Variants in GCNT2 observed in about 807,000 individuals in gnomAD.
GCNT2 encodes glucosaminyl (N-acetyl) transferase 2 (I blood group), also known as N-acetyllactosaminide beta-1,6-N-acetylglucosaminyl-transferase.
GCNT2 carries 34 observed loss-of-function variants against 34.2 expected under a neutral mutation model. The ratio of observed to expected loss-of-function variants is 1.00; its 90% CI spans 0.76 to 1.32. GCNT2 has a LOEUF of 1.32. Among genes scored for constraint, GCNT2 ranks in the 40% most tolerant of loss-of-function variants. GCNT2 has a pLI of 0.00. For synonymous variants in GCNT2, 212 were observed against 188.0 expected, an observed-to-expected ratio of 1.13 and a Z score of -1.04; for missense variants, 584 against 489.4, an observed-to-expected ratio of 1.19 and a Z score of -1.82.
At chr6:10,552,296 A>T (rs1343793719) in intron 3 of GCNT2, among the ~76,000 whole-genome samples, 1 of 142,746 alleles carries the variant, frequency 7.0e-6, no homozygotes. Flanking sequence ...GATCATTATC[A>T]TGTTAAAAAA....
intron 3 of GCNT2, among the ~76,000 whole-genome samples, chr6:10,617,323 C>A (rs1257503205): frequency 6.6e-6 from 1 of 152,200 alleles, no homozygotes; most frequent in South Asian, 2.1e-4. Context: ...CTGGGCGCCC[C>A]CAGCCCACGC....
chr6:10,553,642 C>T (rs1370388116), intron 3 of GCNT2, among the ~76,000 whole-genome samples: 1 of 152,214 alleles, frequency 6.6e-6, no homozygotes, highest in Admixed American at 6.5e-5. Context: ...GCCTGTAATC[C>T]CAGTACTTTG....
At chr6:10,534,157 T>TTTTTTTTTTTTTTTTTTTTTTTTTG (rs1411848198) in intron 3 of GCNT2, among the ~76,000 whole-genome samples, 3 of 145,342 alleles carry the variant, frequency 2.1e-5, no homozygotes, top group Admixed American at 1.4e-4. Flanking sequence ...TTTTTTTTTT[T>TTTTTTTTTTTTTTTTTTTTTTTTTG]TTAAGATGGA....
intron 3 of GCNT2, among the ~76,000 whole-genome samples, chr6:10,617,595 T>C (rs1327058501): frequency 6.6e-6 from 1 of 152,134 alleles, no homozygotes; most frequent in Non-Finnish European, 1.5e-5. Context: ...TGCGTAACCA[T>C]CTGGGAATGC....
intron 3 of GCNT2, among the ~76,000 whole-genome samples, chr6:10,569,859 CTCTT>C (rs71548849): frequency 0.12 from 18,468 of 149,442 alleles, 1,508 homozygotes; most frequent in Middle Eastern, 0.19. Flanking sequence ...CTCTTTCTTT[CTCTT>C]TCTTTCTTTC....
intron 3 of GCNT2, among the ~76,000 whole-genome samples, chr6:10,604,362 A>G (rs1399410354): frequency 6.6e-6 from 1 of 152,206 alleles, no homozygotes; most frequent in African/African-American, 2.4e-5. Context: ...AAATAAGTAA[A>G]GACTCACAAG....
chr6:10,532,896 T>G (rs1761562439), intron 3 of GCNT2, among the ~76,000 whole-genome samples: 1 of 151,146 alleles, frequency 6.6e-6, no homozygotes, highest in Admixed American at 6.6e-5. Flanking sequence ...GGTTGATGTG[T>G]ATATGTTGTG....
chr6:10,532,667 C>T (rs926140513), intron 3 of GCNT2, among the ~76,000 whole-genome samples: 2 of 152,126 alleles, frequency 1.3e-5, no homozygotes, highest in African/African-American at 4.8e-5. Flanking sequence ...CGAGGTCCTG[C>T]TGTGTTGCCA....
intron 3 of GCNT2, among the ~76,000 whole-genome samples, chr6:10,599,256 C>T (rs1173588755): frequency 2.0e-5 from 3 of 152,152 alleles, no homozygotes; most frequent in Admixed American, 2.0e-4. Context: ...TTCACAGGCG[C>T]GTCAGTCCAC....
intron 3 of GCNT2, among the ~76,000 whole-genome samples, chr6:10,533,460 A>T (rs1761594415): frequency 6.6e-6 from 1 of 151,882 alleles, no homozygotes; most frequent in South Asian, 2.1e-4. Context: ...CCACATTAAA[A>T]GAAGTAAAAA....
chr6:10,582,315 AAT>A (rs1325234235), intron 3 of GCNT2, among the ~76,000 whole-genome samples: 1 of 88,046 alleles, frequency 1.1e-5, no homozygotes, highest in East Asian at 2.2e-4. Context: ...AATATATAGT[AAT>A]ATTAAATATA....
In GCNT2 at chr6:10,528,900, T is replaced by A; in HGVS notation, c.-12T>A. The A allele has an allele frequency of 6.3e-7, 1 of 1,595,388 alleles. No individual in the cohort carries two copies. The highest frequency in any genetic ancestry group is 8.6e-7 in the Non-Finnish European group (1 of 1,163,154). On this transcript the variant is annotated 5_prime_UTR_variant, in exon 3 of 5. Coordinates refer to ENST00000495262, the MANE Select transcript of GCNT2 (RefSeq NM_145649.5). The stretch of plus-strand genomic sequence containing the variant: ...TCAAGAGAGAGATATTTTACTCATT[T>A]CCTGGTTGTGAATGATGGGCTCTTG...
intron 3 of GCNT2, chr6:10,581,838 A>C: frequency 1.0e-6 from 1 of 985,062 alleles, no homozygotes; most frequent in Non-Finnish European, 1.2e-6. Flanking sequence ...GACAAATTTT[A>C]CAGAAAAGGG....
At chr6:10,553,370 A>G (rs1762560066) in intron 3 of GCNT2, among the ~76,000 whole-genome samples, 1 of 152,192 alleles carries the variant, frequency 6.6e-6, no homozygotes, top group Non-Finnish European at 1.5e-5. Context: ...CCTGGCATGT[A>G]GCAAACTCTC....
Position 10,537,710 on chromosome 6 carries a change from AAAAAAAAAAAAAAAAAC to A in GCNT2, c.925+7879_925+7895del, listed in dbSNP as rs1286614391. ...GGAGATTCTGCCGCAAAAAAAAAAA[AAAAAAAAAAAAAAAAAC>A]AAAACAAAGAAAACGAAAGAAAATG... On this transcript the variant is annotated intron_variant, in intron 3 of 4. Transcript: ENST00000495262. Among the ~76,000 whole-genome samples the A allele has an allele frequency of 3.0e-4, 17 of 56,926 alleles. No homozygotes were observed. In the East Asian group the frequency reaches 0.014, roughly 46 times the overall value. 37.3% of individuals were successfully genotyped at this position (56,926 alleles called of 152,430 possible). A position where few individuals can be genotyped will look rare whatever the true frequency, so the allele number is the denominator to read the frequency against.
At chr6:10,526,214 T>G (rs983075863) in intron 1 of GCNT2, among the ~76,000 whole-genome samples, 1 of 152,164 alleles carries the variant, frequency 6.6e-6, no homozygotes, top group Non-Finnish European at 1.5e-5. Context: ...AATAGATATT[T>G]GGGTTGATTA....
At chr6:10,546,344 C>A (rs1263108837) in intron 3 of GCNT2, among the ~76,000 whole-genome samples, 1 of 152,080 alleles carries the variant, frequency 6.6e-6, no homozygotes, top group African/African-American at 2.4e-5. Context: ...GCTTTTGACT[C>A]CCCTAAAACT....
At chr6:10,530,557 T>C (rs1404208222) in intron 3 of GCNT2, among the ~76,000 whole-genome samples, 1 of 151,762 alleles carries the variant, frequency 6.6e-6, no homozygotes, top group Admixed American at 6.6e-5. Flanking sequence ...TTGCAAGCTC[T>C]TTTCTGGTCT....
intron 3 of GCNT2, chr6:10,557,479 T>C: frequency 2.9e-6 from 2 of 699,220 alleles, no homozygotes; most frequent in Non-Finnish European, 4.9e-6. Flanking sequence ...CCTTTCTAAA[T>C]GCAGAAAGAT....
Sources: allele counts gnomAD v4.1 joint callset (sites outside exome capture counted in the v4.1 genomes callset), GRCh38; gene constraint gnomAD v4.1.1; transcripts MANE v1.5; gene names NCBI Gene and HGNC (gene_info 2026-07-23, HGNC 2026-07-21).